ANKRD36C: variants seen among roughly 807,000 people sequenced by gnomAD.
ANKRD36C encodes the protein ankyrin repeat domain 36C, also known as ankyrin repeat domain-containing protein 36C.
A neutral mutation model predicts 276.4 loss-of-function variants in ANKRD36C; 61 were observed. The ratio of observed to expected loss-of-function variants is 0.22; its 90% CI spans 0.18 to 0.27. ANKRD36C has a LOEUF of 0.27. Among genes scored for constraint, ANKRD36C ranks in the 10% least tolerant of loss-of-function variants. The pLI, the probability that ANKRD36C is intolerant of heterozygous loss-of-function variation, is 1.00. For synonymous variants in ANKRD36C, 483 were observed against 680.1 expected, an observed-to-expected ratio of 0.71 and a Z score of 4.51; for missense variants, 1,447 against 2,032.3, an observed-to-expected ratio of 0.71 and a Z score of 5.54.
chr2:95,887,009 CA>C (rs1299984373), intron 50 of ANKRD36C, among the ~76,000 whole-genome samples: 1 of 151,376 alleles, frequency 6.6e-6, no homozygotes, highest in Non-Finnish European at 1.5e-5. Context: ...TAAGCTTTTA[CA>C]CTTGGAAATC....
chr2:95,948,369 A>T (rs1378883480), intron 17 of ANKRD36C, among the ~76,000 whole-genome samples, 161 bp downstream of exon 17: 1 of 152,266 alleles, frequency 6.6e-6, no homozygotes, highest in Non-Finnish European at 1.5e-5. Flanking sequence ...AAAAAAAATT[A>T]AAATTAACCC....
chr2:95,917,917 T>A (rs762934611), exon 36 of ANKRD36C: 18 of 1,607,068 alleles, frequency 1.1e-5, no homozygotes, highest in Non-Finnish European at 1.5e-5. Context: ...ATCTTCCTCG[T>A]CAGTTGTAGC....
chr2:95,915,616 G>C lies in ANKRD36C; in HGVS notation c.2449+364C>G, dbSNP rs188187599. ...GGTTATTATGAACACTTTTCTGTCT[G>C]TTTTTAGCCCTATGATGTGACGTCT... On this transcript the variant is annotated intron_variant, in intron 38 of 66. Coordinates refer to ENST00000456556, the Ensembl canonical transcript of ANKRD36C. 1.8e-3 allele frequency among the ~76,000 whole-genome samples: 272 copies of C among 151,516 alleles called. 1 individual carries two copies. The highest frequency in any genetic ancestry group is 6.8e-3 in the Middle Eastern group (2 of 294).
chr2:95,874,800 C>G (rs1472005460), intron 59 of ANKRD36C, among the ~76,000 whole-genome samples: 3 of 152,164 alleles, frequency 2.0e-5, no homozygotes, highest in African/African-American at 4.8e-5. Context: ...GACTAATATC[C>G]AGAATCTACA....
At chr2:95,917,706 T>A in intron 36 of ANKRD36C, 149 bp downstream of exon 38, 2 of 1,133,706 alleles carry the variant, frequency 1.8e-6, no homozygotes, top group Non-Finnish European at 2.5e-6. Flanking sequence ...ACCCAAGAAT[T>A]TATTACAAAT....
At position 95,930,727 on chromosome 2, in the gene ANKRD36C, G is replaced by A. The variant is rs982952264; in HGVS notation, c.1736-1460C>T. ...TTAGTACTCTTAAAATACATTCTTTGATTCCTTTTTTTTAAAATCTAGTTT... is the reference window on the plus strand; with the variant it reads ...TTAGTACTCTTAAAATACATTCTTTAATTCCTTTTTTTTAAAATCTAGTTT... On this transcript the variant is annotated intron_variant, in intron 24 of 66. Transcript: ENST00000456556. Among the ~76,000 whole-genome samples the A allele has an allele frequency of 5.6e-4, 84 of 150,772 alleles. 2 individuals are homozygous for A.
chr2:95,858,306 T>A (rs1675473182), intron 61 of ANKRD36C, among the ~76,000 whole-genome samples: 1 of 152,218 alleles, frequency 6.6e-6, no homozygotes, highest in South Asian at 2.1e-4. Flanking sequence ...ATTCGTATGT[T>A]GGTTTATTAT....
chr2:95,965,315 A>G (rs1249060065), intron 6 of ANKRD36C, among the ~76,000 whole-genome samples: 1 of 152,052 alleles, frequency 6.6e-6, no homozygotes, highest in Non-Finnish European at 1.5e-5. Context: ...GTCATTTGAC[A>G]TCCGGGAACA....
intron 46 of ANKRD36C, among the ~76,000 whole-genome samples, chr2:95,891,403 T>C (rs556936990): frequency 1.4e-4 from 21 of 151,530 alleles, no homozygotes; most frequent in South Asian, 2.1e-4. Context: ...TTATGTTGTT[T>C]CCCAGAGCCC....
At chr2:95,933,628 A>T (rs1173183054) in intron 24 of ANKRD36C, among the ~76,000 whole-genome samples, 2 of 152,150 alleles carry the variant, frequency 1.3e-5, no homozygotes, top group African/African-American at 4.8e-5. Context: ...CTGATTTTGT[A>T]TCCTGAGACT....
chr2:95,850,875 G>C (rs1183251930), downstream of ANKRD36C, among the ~76,000 whole-genome samples: 1 of 152,162 alleles, frequency 6.6e-6, no homozygotes, highest in Non-Finnish European at 1.5e-5. Flanking sequence ...CAGTTTGCAG[G>C]CTGATAGTTC....
At position 95,918,613 on chromosome 2, in the gene ANKRD36C, A is replaced by G. The variant is rs185237536; in HGVS notation, c.2246-571T>C. ...TGATACCTAGTAGATAATATTCATT[A>G]TCTCTCACACCCATGTGGTGTAATA... On this transcript the variant is annotated intron_variant, in intron 34 of 66. Transcript: ENST00000456556. Among the ~76,000 whole-genome samples the G allele has an allele frequency of 2.9e-3, 436 of 151,790 alleles. 1 individual carries two copies. Among genetic ancestry groups the G allele is most frequent in the Non-Finnish European group, 5.0e-3 (340 of 67,726 alleles).
chr2:95,881,161 T>A (rs1217997166), intron 56 of ANKRD36C, among the ~76,000 whole-genome samples: 2 of 152,060 alleles, frequency 1.3e-5, no homozygotes, highest in Non-Finnish European at 2.9e-5. Flanking sequence ...CTTGGATATA[T>A]GTTTGGTGAA....
chr2:95,880,654 A>G (rs1230996041), intron 56 of ANKRD36C, 31 bp from the exon 77 acceptor site: 1 of 1,514,408 alleles, frequency 6.6e-7, no homozygotes, highest in Admixed American at 2.0e-5. Flanking sequence ...ATAATCAATC[A>G]TATGTAAATA....
chr2:95,893,492 A>G (rs942646347), intron 44 of ANKRD36C, 41 bp downstream of exon 64: 1 of 1,534,568 alleles, frequency 6.5e-7, no homozygotes, highest in Non-Finnish European at 8.8e-7. Flanking sequence ...CTTCTTATCT[A>G]TCTGGACTGA....
chr2:95,965,956 T>TA (rs775278418), intron 6 of ANKRD36C, among the ~76,000 whole-genome samples: 13 of 152,140 alleles, frequency 8.5e-5, no homozygotes, highest in East Asian at 1.9e-4. Flanking sequence ...TTTTCTTTTT[T>TA]AAAAAAAATT....
chr2:95,879,008 T>G (rs1022682458), intron 58 of ANKRD36C, among the ~76,000 whole-genome samples: 5 of 152,218 alleles, frequency 3.3e-5, no homozygotes, highest in Admixed American at 2.0e-4. Flanking sequence ...AAATCTGTCC[T>G]GACATGTTTA....
intron 61 of ANKRD36C, 55 bp downstream of exon 81, chr2:95,859,806 T>C (rs540965440): frequency 6.5e-7 from 1 of 1,534,458 alleles, no homozygotes; most frequent in Admixed American, 2.0e-5. Context: ...CTTCTCCTTA[T>C]ACGTCTTTAA....
At chr2:95,950,803 A>G in intron 15 of ANKRD36C, 24 bp from the exon 16 acceptor site, 2 of 1,531,536 alleles carry the variant, frequency 1.3e-6, no homozygotes, top group Non-Finnish European at 1.8e-6. Context: ...AGTAAAATGC[A>G]TTTTAAATCA....
Sources: allele counts gnomAD v4.1 joint callset (sites outside exome capture counted in the v4.1 genomes callset), GRCh38; gene constraint gnomAD v4.1.1; transcripts MANE v1.5; gene names NCBI Gene and HGNC (gene_info 2026-07-23, HGNC 2026-07-21).